SUFU: variants seen among roughly 807,000 people sequenced by gnomAD.
The protein encoded by SUFU is suppressor of fused homolog.
Under a neutral mutation model 58.9 loss-of-function variants are expected in SUFU, and 7 were observed. The observed-to-expected ratio is 0.12, with a 90% confidence interval of 0.07 to 0.22. SUFU has a LOEUF of 0.22. Ranked by LOEUF, SUFU falls within the 10% of genes least tolerant of loss-of-function variation. SUFU has a pLI of 1.00. For synonymous variants in SUFU, 232 were observed against 254.8 expected, an observed-to-expected ratio of 0.91 and a Z score of 0.85; for missense variants, 451 against 641.3, an observed-to-expected ratio of 0.70 and a Z score of 3.20.
At position 102,617,111 on chromosome 10, in the gene SUFU, T is replaced by A. The variant is rs547183181; in HGVS notation, c.1158-179T>A. ...TGTGAGAGGAGCTTCTCTTTGAAGGTGTTGAAATGAGCGTGTTTGGATACA... is the reference window on the plus strand; with the variant it reads ...TGTGAGAGGAGCTTCTCTTTGAAGGAGTTGAAATGAGCGTGTTTGGATACA... On this transcript the variant is annotated intron_variant, in intron 9 of 11. Coordinates refer to ENST00000369902, the MANE Select transcript of SUFU (RefSeq NM_016169.4). This position sits in a 1 kb window ranked among gnomAD's most constrained non-coding sequence, Gnocchi z 4.4. 6.6e-6 allele frequency among the ~76,000 whole-genome samples: 1 copy of A among 152,332 alleles called. No homozygotes were observed. The highest frequency in any genetic ancestry group is 6.5e-5 in the Admixed American group (1 of 15,306).
At chr10:102,522,981 G>T (rs2062568785) in intron 2 of SUFU, among the ~76,000 whole-genome samples, 1 of 152,068 alleles carries the variant, frequency 6.6e-6, no homozygotes, top group African/African-American at 2.4e-5. Context: ...CTCCTCTTCA[G>T]CAGTCCATGG....
chr10:102,612,542 G>A lies in SUFU; in HGVS notation c.1023-2726G>A, dbSNP rs181072639. ...TTTATTTTTCCCTCCAGCTTGAGAC[G>A]TCTCTAGCCCTGTGTGCTGTTGATT... On this transcript the variant is annotated intron_variant, in intron 8 of 11. Coordinates refer to ENST00000369902, the MANE Select transcript of SUFU (RefSeq NM_016169.4). Among the ~76,000 whole-genome samples, 27 of 152,206 alleles carry A rather than the reference G, an allele frequency of 1.8e-4. 1 individual carries two copies. The highest frequency in any genetic ancestry group is 5.1e-4 in the African/African-American group (21 of 41,510).
At chr10:102,611,888 G>A (rs764323510) in intron 8 of SUFU, among the ~76,000 whole-genome samples, 1 of 152,194 alleles carries the variant, frequency 6.6e-6, no homozygotes, top group Non-Finnish European at 1.5e-5. Context: ...AGTCCCCAGC[G>A]GGTATGAGCT....
intron 8 of SUFU, among the ~76,000 whole-genome samples, chr10:102,614,035 G>A (rs1186091063): frequency 1.3e-5 from 2 of 152,230 alleles, no homozygotes; most frequent in Non-Finnish European, 2.9e-5. Flanking sequence ...AGTACAGATT[G>A]TATCATCATC....
chr10:102,554,138 C>T (rs1433559839), intron 3 of SUFU, among the ~76,000 whole-genome samples: 4 of 152,116 alleles, frequency 2.6e-5, no homozygotes, highest in African/African-American at 4.8e-5. Flanking sequence ...CGCAGTGGCT[C>T]ATGCCTGTAA....
intron 3 of SUFU, chr10:102,573,192 G>T: frequency 1.3e-6 from 1 of 750,766 alleles, no homozygotes; most frequent in Admixed American, 1.8e-5. Context: ...GCTTTAGGAG[G>T]AGCAGGAGCT....
intron 2 of SUFU, among the ~76,000 whole-genome samples, chr10:102,519,368 A>C (rs973682554): frequency 5.3e-5 from 8 of 151,606 alleles, no homozygotes; most frequent in Non-Finnish European, 1.0e-4. Context: ...ACTAAAAAAA[A>C]CCACGAAAAT....
At position 102,540,277 on chromosome 10, in the gene SUFU, T is replaced by A. The variant is rs922227322; in HGVS notation, c.318-9693T>A. 2.6e-5 allele frequency among the ~76,000 whole-genome samples: 4 copies of A among 152,178 alleles called. No homozygotes were observed. The East Asian group carries it at 7.7e-4, about 29-fold the overall frequency. On this transcript the variant is annotated intron_variant, in intron 2 of 11. Coordinates refer to ENST00000369902, the MANE Select transcript of SUFU (RefSeq NM_016169.4). ...CAGAACTAGGAAACACACATGCACA[T>A]ATACACATACCACTCTATTTCCATA...
At chr10:102,592,497 A>G in intron 3 of SUFU, 85 bp from the exon 4 acceptor site, 1 of 1,559,164 alleles carries the variant, frequency 6.4e-7, no homozygotes, top group Non-Finnish European at 8.8e-7. Context: ...GAAGCCTCCC[A>G]GCCTGGGCTA....
At chr10:102,527,224 G>C (rs944284785) in intron 2 of SUFU, among the ~76,000 whole-genome samples, 2 of 151,770 alleles carry the variant, frequency 1.3e-5, no homozygotes, top group Non-Finnish European at 2.9e-5. Flanking sequence ...GGATGGTCTC[G>C]ATCTCCTGAC....
chr10:102,616,659 C>G (rs2063689843), intron 9 of SUFU, among the ~76,000 whole-genome samples: 1 of 152,266 alleles, frequency 6.6e-6, no homozygotes, highest in Admixed American at 6.5e-5. Context: ...TGCCCCTCCC[C>G]CAGGTGTATT....
intron 7 of SUFU, among the ~76,000 whole-genome samples, chr10:102,598,340 A>T (rs1235019181): frequency 6.6e-6 from 1 of 152,010 alleles, no homozygotes; most frequent in African/African-American, 2.4e-5. Context: ...TTTTTTGTAG[A>T]GTCAGGGCTT....
chr10:102,543,176 G>A (rs11191325), intron 2 of SUFU, among the ~76,000 whole-genome samples: 46,256 of 151,900 alleles, frequency 0.3, 7,330 homozygotes, highest in Admixed American at 0.36. Flanking sequence ...TATCCATACC[G>A]GCAACATATG....
upstream of SUFU, among the ~76,000 whole-genome samples, chr10:102,503,107 G>A (rs2062271753): frequency 6.6e-6 from 1 of 152,122 alleles, no homozygotes; most frequent in South Asian, 2.1e-4. Context: ...ACAATATAAG[G>A]TTCTCATGTT....
chr10:102,620,545 A>C (rs1282571595), intron 10 of SUFU, among the ~76,000 whole-genome samples: 1 of 152,198 alleles, frequency 6.6e-6, no homozygotes, highest in Non-Finnish European at 1.5e-5. Flanking sequence ...AGCCAGCTCC[A>C]GTTCCACAGG....
intron 3 of SUFU, among the ~76,000 whole-genome samples, chr10:102,565,049 T>G (rs2135782999): frequency 6.6e-6 from 1 of 152,264 alleles, no homozygotes; most frequent in South Asian, 2.1e-4. Context: ...AGAGCAGAGG[T>G]TGGCAAGTAC....
At chr10:102,511,635 A>G (rs1212370919) in intron 2 of SUFU, among the ~76,000 whole-genome samples, 2 of 152,198 alleles carry the variant, frequency 1.3e-5, no homozygotes, top group Admixed American at 1.3e-4. Context: ...GAGGGGTTAA[A>G]TGAATTGCTA....
intron 1 of SUFU, among the ~76,000 whole-genome samples, chr10:102,508,919 T>C (rs756346953): frequency 1.3e-5 from 2 of 152,136 alleles, no homozygotes; most frequent in Admixed American, 6.5e-5. Flanking sequence ...AACCATCCAG[T>C]CTGTTTTATT....
intron 3 of SUFU, among the ~76,000 whole-genome samples, chr10:102,550,905 CT>C (rs1237715684): frequency 6.6e-6 from 1 of 152,068 alleles, no homozygotes; most frequent in Non-Finnish European, 1.5e-5. Context: ...CCACACCCAG[CT>C]AATTTTTTTG....
Sources: allele counts gnomAD v4.1 joint callset (sites outside exome capture counted in the v4.1 genomes callset), GRCh38; gene constraint gnomAD v4.1.1; non-coding constraint Gnocchi (gnomAD v3.1); transcripts MANE v1.5; gene names NCBI Gene and HGNC (gene_info 2026-07-23, HGNC 2026-07-21).